EYS: variants seen among roughly 807,000 people sequenced by gnomAD.
EYS encodes EGF-like photoreceptor maintenance factor, also known as protein eyes shut homolog.
EYS carries 250 observed loss-of-function variants against 282.1 expected under a neutral mutation model. The ratio of observed to expected loss-of-function variants is 0.89; its 90% confidence interval spans 0.80 to 0.98. EYS has a LOEUF of 0.98. Among genes scored for constraint, EYS ranks in the 50% least tolerant of loss-of-function variants. The pLI, the probability that EYS is intolerant of heterozygous loss-of-function variation, is 0.00. For missense variants in EYS, 4,016 were observed against 3,709.0 expected (o/e 1.08, Z -2.15); for synonymous variants, 1,355 against 1,282.9 (o/e 1.06, Z -1.20).
chr6:64,279,681 C>A (rs1368759708), intron 30 of EYS, among the ~76,000 whole-genome samples: 2 of 152,160 alleles, frequency 1.3e-5, no homozygotes, highest in Non-Finnish European at 2.9e-5. Flanking sequence ...CGGAGGAATA[C>A]TAACGAGAAG....
chr6:64,374,850 G>T (rs916994222), intron 29 of EYS, among the ~76,000 whole-genome samples: 1 of 152,218 alleles, frequency 6.6e-6, no homozygotes, highest in African/African-American at 2.4e-5. Context: ...GAGACAGGGA[G>T]AGGGAGAGAG....
At chr6:65,218,456 T>C (rs1766373797) in intron 12 of EYS, among the ~76,000 whole-genome samples, 1 of 152,122 alleles carries the variant, frequency 6.6e-6, no homozygotes. Flanking sequence ...GTTTTGGATA[T>C]GTGAGTTTCT....
chr6:64,685,278 AAAGATTCTT>A (rs1335549894), intron 22 of EYS, among the ~76,000 whole-genome samples: 7 of 134,612 alleles, frequency 5.2e-5, no homozygotes, highest in Non-Finnish European at 9.6e-5. Flanking sequence ...TGGACATTTC[AAAGATTCTT>A]TATAAATACT....
chr6:64,242,940 A>T (rs1043007450), intron 30 of EYS, among the ~76,000 whole-genome samples: 1 of 146,508 alleles, frequency 6.8e-6, no homozygotes, highest in African/African-American at 2.5e-5. Context: ...ATTGATATAT[A>T]TTTTATATAT....
At chr6:65,528,714 C>A (rs1401417830) in intron 2 of EYS, among the ~76,000 whole-genome samples, 1 of 152,096 alleles carries the variant, frequency 6.6e-6, no homozygotes, top group Non-Finnish European at 1.5e-5. Flanking sequence ...TCTGTTATAG[C>A]AGCACAAAAC....
chr6:64,200,133 A>G (rs1765418005), intron 31 of EYS, among the ~76,000 whole-genome samples: 1 of 152,210 alleles, frequency 6.6e-6, no homozygotes, highest in Admixed American at 6.5e-5. Flanking sequence ...AGGAAAAACT[A>G]TAGAGGCAGT....
chr6:64,288,616 A>G (rs1179847644), intron 30 of EYS, among the ~76,000 whole-genome samples: 4 of 152,120 alleles, frequency 2.6e-5, no homozygotes. Flanking sequence ...ACACATCCTC[A>G]TATAGCTCTC....
At chr6:63,850,902 C>T (rs892130465) in intron 36 of EYS, among the ~76,000 whole-genome samples, 9 of 152,072 alleles carry the variant, frequency 5.9e-5, no homozygotes, top group South Asian at 2.1e-4. Flanking sequence ...GAGTCAAGAC[C>T]CCTTGGTGTG....
At chr6:63,863,539 C>T (rs1432484900) in intron 36 of EYS, among the ~76,000 whole-genome samples, 1 of 151,892 alleles carries the variant, frequency 6.6e-6, no homozygotes, top group Non-Finnish European at 1.5e-5. Context: ...ATATATTGCT[C>T]TTGATGCCCC....
At chr6:63,974,412 A>T (rs1766734294) in intron 35 of EYS, among the ~76,000 whole-genome samples, 1 of 152,088 alleles carries the variant, frequency 6.6e-6, no homozygotes, top group Admixed American at 6.6e-5. Context: ...TTCTTTGAAG[A>T]AAAGAGTGAG....
Position 63,753,850 on chromosome 6 carries a change from G to T in EYS, c.8071+8611C>A, listed in dbSNP as rs545967427. ...CAGATGAAGGGGTTTACTTATATAT[G>T]CAAGTCCACCCTTCCATTCCTCCTC... On this transcript the variant is annotated intron_variant, in intron 41 of 42. Transcript: ENST00000503581. 2.6e-5 allele frequency among the ~76,000 whole-genome samples: 4 copies of T among 152,248 alleles called. No homozygotes were observed. In the East Asian group the frequency reaches 7.7e-4, roughly 29 times the overall value.
chr6:64,133,014 T>C (rs1774034426), intron 31 of EYS, among the ~76,000 whole-genome samples: 1 of 152,056 alleles, frequency 6.6e-6, no homozygotes, highest in Non-Finnish European at 1.5e-5. Flanking sequence ...TACACACTGA[T>C]TATATGTTTT....
intron 13 of EYS, among the ~76,000 whole-genome samples, chr6:65,056,205 A>G (rs1773409170): frequency 6.6e-6 from 1 of 151,862 alleles, no homozygotes; most frequent in East Asian, 1.9e-4. Flanking sequence ...GCTCGCTTTG[A>G]CTTAATCTCA....
intron 22 of EYS, among the ~76,000 whole-genome samples, chr6:64,703,732 C>G (rs963614867): frequency 6.6e-6 from 1 of 151,960 alleles, no homozygotes; most frequent in Non-Finnish European, 1.5e-5. Flanking sequence ...ACCACGCAAA[C>G]TGTGGTAATT....
At chr6:64,321,282 T>C (rs1398793357) in intron 29 of EYS, among the ~76,000 whole-genome samples, 1 of 151,768 alleles carries the variant, frequency 6.6e-6, no homozygotes, top group East Asian at 1.9e-4. Flanking sequence ...TGCTCTCCTA[T>C]GGTGAATCTA....
At chr6:64,571,080 C>A (rs1765710347) in intron 26 of EYS, among the ~76,000 whole-genome samples, 1 of 152,202 alleles carries the variant, frequency 6.6e-6, no homozygotes, top group East Asian at 1.9e-4. Flanking sequence ...AACAAACAGT[C>A]TCTCAGACCA....
intron 23 of EYS, among the ~76,000 whole-genome samples, chr6:64,620,523 T>C (rs1767413174): frequency 1.3e-5 from 2 of 152,184 alleles, no homozygotes; most frequent in Admixed American, 6.5e-5. Context: ...TAGTTTTCAA[T>C]ACTCTTGCCT....
intron 26 of EYS, among the ~76,000 whole-genome samples, chr6:64,445,793 C>T (rs1392873441): frequency 3.3e-5 from 5 of 151,960 alleles, no homozygotes; most frequent in Admixed American, 1.3e-4. Flanking sequence ...AGAACCTTTC[C>T]TAGAAGTTAA....
At chr6:64,966,460 G>A (rs1453487561) in intron 14 of EYS, among the ~76,000 whole-genome samples, 2 of 152,140 alleles carry the variant, frequency 1.3e-5, no homozygotes, top group African/African-American at 2.4e-5. Context: ...AATAACTGTT[G>A]ACAAGAGATG....
Sources: gnomAD v4.1 joint callset for allele counts (sites outside exome capture counted in the v4.1 genomes callset) on GRCh38, gnomAD v4.1.1 for gene constraint, MANE v1.5 for transcripts, NCBI Gene and HGNC (gene_info 2026-07-23, HGNC 2026-07-21) for gene names.